The following RMDN2 variants were observed in gnomAD, a reference collection of about 807,000 sequenced individuals.
RMDN2 encodes regulator of microtubule dynamics protein 2.
RMDN2 carries 61 observed loss-of-function variants against 52.8 expected under a neutral mutation model. The ratio of observed to expected loss-of-function variants is 1.16; its 90% CI spans 0.94 to 1.43. The LOEUF (loss-of-function observed/expected upper bound fraction) is 1.43, where lower values mean the gene tolerates loss of function less well. RMDN2 is among the 40% of genes most tolerant of loss of function. RMDN2 has a pLI of 0.00. For missense variants in RMDN2, 592 were observed against 475.3 expected (o/e 1.25, Z -2.28); for synonymous variants, 180 against 153.1 (o/e 1.18, Z -1.30).
intron 10 of RMDN2, among the ~76,000 whole-genome samples, chr2:38,051,593 C>T (rs182136640): frequency 4.5e-4 from 69 of 152,252 alleles, no homozygotes; most frequent in African/African-American, 1.6e-3. Context: ...TAACTATACT[C>T]ACCCTTCTGT....
downstream of RMDN2, among the ~76,000 whole-genome samples, chr2:38,020,520 G>A (rs1344340617): frequency 6.6e-6 from 1 of 152,240 alleles, no homozygotes; most frequent in Non-Finnish European, 1.5e-5. Context: ...CAGGGAGAGG[G>A]TGAGAGGGAA....
At chr2:38,001,388 T>C (rs1402323198) in intron 8 of RMDN2, among the ~76,000 whole-genome samples, 1 of 152,228 alleles carries the variant, frequency 6.6e-6, no homozygotes, top group Non-Finnish European at 1.5e-5. Flanking sequence ...ATTGAAACAT[T>C]AGCTAATGCT....
At chr2:37,968,111 C>G (rs1030297429) in intron 2 of RMDN2, among the ~76,000 whole-genome samples, 2 of 152,134 alleles carry the variant, frequency 1.3e-5, no homozygotes, top group Non-Finnish European at 2.9e-5. Flanking sequence ...TGGTCTCCCA[C>G]AAAGATATTT....
At chr2:37,956,643 C>CT (rs893522961) in intron 2 of RMDN2, among the ~76,000 whole-genome samples, 59 of 151,072 alleles carry the variant, frequency 3.9e-4, no homozygotes, top group Admixed American at 1.8e-3. Context: ...ACATTACCTT[C>CT]TTTTTTTTTC....
chr2:38,017,882 A>C (rs766469023), downstream of RMDN2: 6 of 180,118 alleles, frequency 3.3e-5, no homozygotes, highest in Non-Finnish European at 5.8e-5. Flanking sequence ...GCCATTTTAT[A>C]AAATTTGGGT....
In RMDN2 at chr2:37,974,292, A is replaced by G. The variant is rs183501012; in HGVS notation, c.627+78A>G. The G allele has an allele frequency of 3.2e-4, 297 of 914,608 alleles. No homozygotes were observed. In the African/African-American group the frequency reaches 4.8e-3, roughly 15 times the overall value. 56.7% of individuals were successfully genotyped at this position (914,608 alleles called of 1,614,324 possible). A position where few individuals can be genotyped will look rare whatever the true frequency, so the allele number is the denominator to read the frequency against. On this transcript the variant is annotated intron_variant, in intron 3 of 10. Transcript: ENST00000354545. ...GCCATCTGTTTCAGTTATAACTATA[A>G]TAATTGTGTCATGGTTCCCACATTT...
intron 4 of RMDN2, among the ~76,000 whole-genome samples, chr2:37,977,819 C>T (rs1446293020): frequency 6.6e-6 from 1 of 151,024 alleles, no homozygotes; most frequent in Non-Finnish European, 1.5e-5. Flanking sequence ...CGGGAAGAGG[C>T]GCTCCTCAGT....
Position 38,066,837 on chromosome 2 carries a change from C to T in RMDN2, c.1714-145C>T, listed in dbSNP as rs1573267273. 1.2e-5 allele frequency: 8 copies of T among 657,434 alleles called. No individual in the cohort carries two copies. In the East Asian group the frequency reaches 1.9e-4, roughly 15 times the overall value. 40.7% of individuals were successfully genotyped at this position (657,434 alleles called of 1,614,324 possible). A position where few individuals can be genotyped will look rare whatever the true frequency, so the allele number is the denominator to read the frequency against. On this transcript the variant is annotated intron_variant, in intron 10 of 10. Transcript: ENST00000234195. The stretch of plus-strand genomic sequence containing the variant: ...CTGTCCTGACATTTCCAAGATCCTA[C>T]TGTCATACATCTGGAAAACTAGTGA...
intron 7 of RMDN2, among the ~76,000 whole-genome samples, chr2:37,992,704 A>G (rs1372419785): frequency 6.6e-6 from 1 of 152,236 alleles, no homozygotes; most frequent in Non-Finnish European, 1.5e-5. Context: ...CTAGAGAAAA[A>G]GTACAAAAAA....
At position 38,004,196 on chromosome 2, in the gene RMDN2, C is replaced by G. The variant is rs768490347; in HGVS notation, c.1159C>G (p.Leu387Val). ...GAAGTTCTGTAATTTGGCTTTATTG[C>G]TTCCTACTGTTACCAAAGAGGTAAG... is the stretch of plus-strand genomic sequence containing the variant. ...ALKFCNLALLLPTVTKEDKEA... is the reference protein window; with the variant it reads ...ALKFCNLALLVPTVTKEDKEA... The change falls in exon 10 of 11, where the codon CTT becomes GTT. Residue 387 changes from leucine to valine, a missense_variant. Coordinates refer to ENST00000354545, the MANE Select transcript of RMDN2 (RefSeq NM_001170791.3). 3.1e-6 allele frequency: 5 copies of G among 1,613,490 alleles called. No individual in the cohort carries two copies. The Admixed American group carries it at 6.7e-5, about 22-fold the overall frequency.
intron 2 of RMDN2, among the ~76,000 whole-genome samples, chr2:37,966,904 A>G (rs1671127132): frequency 6.6e-6 from 1 of 151,444 alleles, no homozygotes; most frequent in Non-Finnish European, 1.5e-5. Context: ...TTAGTTTGAT[A>G]AAAGCCCCTA....
chr2:38,051,235 G>A (rs773669878), intron 10 of RMDN2, among the ~76,000 whole-genome samples: 4 of 143,684 alleles, frequency 2.8e-5, no homozygotes, highest in East Asian at 2.2e-4. Flanking sequence ...CAAATTCACC[G>A]TAAAAACAAA....
intron 10 of RMDN2, among the ~76,000 whole-genome samples, chr2:38,053,301 T>C (rs902323821): frequency 1.3e-5 from 2 of 152,214 alleles, no homozygotes; most frequent in Non-Finnish European, 2.9e-5. Flanking sequence ...GTGATCATTA[T>C]GACGTTATCA....
chr2:38,053,833 G>A (rs1337018495), intron 10 of RMDN2, among the ~76,000 whole-genome samples: 1 of 152,122 alleles, frequency 6.6e-6, no homozygotes, highest in East Asian at 1.9e-4. Flanking sequence ...TTTGCCTGGG[G>A]AGCAAACTCA....
intron 1 of RMDN2, among the ~76,000 whole-genome samples, chr2:37,928,400 G>C (rs1484394956): frequency 6.6e-6 from 1 of 152,228 alleles, no homozygotes; most frequent in African/African-American, 2.4e-5. Context: ...AAGAAACAAT[G>C]CTTGGTAGAA....
At chr2:37,973,773 A>C (rs1054315903) in intron 2 of RMDN2, among the ~76,000 whole-genome samples, 6 of 152,058 alleles carry the variant, frequency 3.9e-5, no homozygotes, top group African/African-American at 1.4e-4. Flanking sequence ...ACGTGATTAG[A>C]ATATTGAAGG....
intron 10 of RMDN2, among the ~76,000 whole-genome samples, chr2:38,058,644 T>C (rs1305768098): frequency 6.6e-6 from 1 of 152,228 alleles, no homozygotes; most frequent in South Asian, 2.1e-4. Context: ...AAATATAACC[T>C]TATGTGGATC....
intron 10 of RMDN2, among the ~76,000 whole-genome samples, chr2:38,037,865 T>C (rs1202503784): frequency 6.6e-6 from 1 of 152,212 alleles, no homozygotes; most frequent in Non-Finnish European, 1.5e-5. Context: ...TGAGGTTAAG[T>C]AGCTCACACG....
chr2:37,936,468 C>G (rs960796391), intron 2 of RMDN2, among the ~76,000 whole-genome samples: 1 of 152,220 alleles, frequency 6.6e-6, no homozygotes, highest in South Asian at 2.1e-4. Flanking sequence ...GGACTTGCCA[C>G]ACTGTCTTCC....
Sources: gnomAD v4.1 joint callset for allele counts (sites outside exome capture counted in the v4.1 genomes callset) on GRCh38, gnomAD v4.1.1 for gene constraint, MANE v1.5 for transcripts, NCBI Gene and HGNC (gene_info 2026-07-23, HGNC 2026-07-21) for gene names.